ROR1: variants seen among roughly 807,000 people sequenced by gnomAD.
The protein encoded by ROR1 is inactive tyrosine-protein kinase transmembrane receptor ROR1.
A neutral mutation model predicts 78.8 loss-of-function variants in ROR1; 19 were observed. The observed-to-expected ratio is 0.24, with a 90% confidence interval of 0.17 to 0.35. The LOEUF (loss-of-function observed/expected upper bound fraction) is 0.35. Among genes scored for constraint, ROR1 ranks in the 10% least tolerant of loss-of-function variants. ROR1 has a pLI of 1.00. For synonymous variants in ROR1, 386 were observed against 433.6 expected, an observed-to-expected ratio of 0.89 and a Z score of 1.36; for missense variants, 917 against 1,177.8, an observed-to-expected ratio of 0.78 and a Z score of 3.24.
chr1:64,138,020 C>G (rs1049093819), intron 5 of ROR1, among the ~76,000 whole-genome samples: 4 of 152,334 alleles, frequency 2.6e-5, no homozygotes, highest in African/African-American at 9.6e-5. Flanking sequence ...TCTTCTTGCT[C>G]TAGCTTTCAA....
At chr1:64,024,904 A>G (rs1646595990) in intron 2 of ROR1, among the ~76,000 whole-genome samples, 1 of 152,228 alleles carries the variant, frequency 6.6e-6, no homozygotes, top group Non-Finnish European at 1.5e-5. Context: ...TCTCTAACAT[A>G]TTAATTTTTC....
chr1:64,108,395 T>TAAAAAAA (rs556497678), intron 4 of ROR1: 12 of 48,292 alleles, frequency 2.5e-4, no homozygotes, highest in African/African-American at 8.7e-4. Context: ...AGACTCCATC[T>TAAAAAAA]AAAAAAAAAA....
chr1:63,856,374 C>A (rs895995319), intron 1 of ROR1, among the ~76,000 whole-genome samples: 2 of 152,168 alleles, frequency 1.3e-5, no homozygotes, highest in Non-Finnish European at 2.9e-5. Flanking sequence ...CTCCTCGTGG[C>A]GTGGGGAATC....
chr1:63,779,470 C>T (rs1018099590), intron 1 of ROR1, among the ~76,000 whole-genome samples: 2 of 150,758 alleles, frequency 1.3e-5, no homozygotes, highest in East Asian at 2.0e-4. Context: ...AGAGACTGTT[C>T]GGTAGAAACT....
At chr1:64,067,464 A>AAG (rs1646966468) in intron 4 of ROR1, among the ~76,000 whole-genome samples, 1 of 150,574 alleles carries the variant, frequency 6.6e-6, no homozygotes, top group African/African-American at 2.4e-5. Context: ...AAAAAAAAAA[A>AAG]AAAAGCCATA....
intron 4 of ROR1, among the ~76,000 whole-genome samples, chr1:64,084,923 T>A (rs1393438377): frequency 6.6e-6 from 1 of 152,210 alleles, no homozygotes; most frequent in African/African-American, 2.4e-5. Flanking sequence ...TGCAGGAATG[T>A]CATGAGAAGA....
intron 1 of ROR1, chr1:63,789,226 T>C: frequency 1.7e-6 from 1 of 594,568 alleles, no homozygotes; most frequent in Admixed American, 1.9e-5. Context: ...TTGGTTTCAT[T>C]GGGGTCCAAC....
chr1:63,886,510 TCTG>T (rs1645358432), intron 1 of ROR1, among the ~76,000 whole-genome samples: 1 of 152,142 alleles, frequency 6.6e-6, no homozygotes. Flanking sequence ...AATTTATAAT[TCTG>T]CTGAGGCAAG....
At chr1:64,053,987 T>C (rs1406458336) in intron 4 of ROR1, among the ~76,000 whole-genome samples, 1 of 152,340 alleles carries the variant, frequency 6.6e-6, no homozygotes, top group Non-Finnish European at 1.5e-5. Flanking sequence ...GGTCTGGCTC[T>C]ATCACCCAGG....
chr1:63,854,794 C>T (rs114814622), intron 1 of ROR1, among the ~76,000 whole-genome samples: 63 of 152,304 alleles, frequency 4.1e-4, no homozygotes, highest in African/African-American at 1.4e-3. Flanking sequence ...GTGGCACATT[C>T]GTTCCAGGAC....
intron 1 of ROR1, among the ~76,000 whole-genome samples, chr1:63,985,321 A>G (rs997488793): frequency 6.6e-6 from 1 of 152,178 alleles, no homozygotes; most frequent in Non-Finnish European, 1.5e-5. Flanking sequence ...CTGATTCTCC[A>G]CAACAGAAAG....
intron 2 of ROR1, among the ~76,000 whole-genome samples, chr1:64,019,019 G>A (rs1646543777): frequency 1.3e-5 from 2 of 152,040 alleles, no homozygotes; most frequent in African/African-American, 2.4e-5. Flanking sequence ...GTATCACCTG[G>A]GGAATTTTAA....
intron 4 of ROR1, among the ~76,000 whole-genome samples, chr1:64,128,613 G>A (rs6692628): frequency 0.033 from 4,979 of 152,130 alleles, 266 homozygotes; most frequent in African/African-American, 0.11. Flanking sequence ...CTTATTGAAC[G>A]TTTATTTATT....
rs962633233 is a variant in ROR1, at chr1:63,998,186, C to T, written c.92-11119C>T. ...ATGACCCTCCCTCTCAAGAAGTTTA[C>T]TGTCTGAGAAGAATGAAAGGAAGAA... On this transcript the variant is annotated intron_variant, in intron 1 of 8. Transcript: ENST00000371079. Among the ~76,000 whole-genome samples the T allele has an allele frequency of 2.6e-5, 4 of 152,058 alleles. No individual in the cohort carries two copies. The East Asian group carries it at 7.7e-4, about 29-fold the overall frequency.
At chr1:64,069,910 A>T (rs541796984) in intron 4 of ROR1, among the ~76,000 whole-genome samples, 1 of 152,258 alleles carries the variant, frequency 6.6e-6, no homozygotes, top group South Asian at 2.1e-4. Context: ...TAGTACATTC[A>T]CAGTGTGGTA....
At chr1:63,969,071 A>G (rs1200093824) in intron 1 of ROR1, among the ~76,000 whole-genome samples, 2 of 152,154 alleles carry the variant, frequency 1.3e-5, no homozygotes, top group Non-Finnish European at 2.9e-5. Context: ...ATCCTATCTG[A>G]AATCATCCAG....
chr1:64,175,191 A>G (rs1455462417), intron 8 of ROR1, among the ~76,000 whole-genome samples: 3 of 151,928 alleles, frequency 2.0e-5, no homozygotes, highest in African/African-American at 7.3e-5. Context: ...CTATTTCCCA[A>G]GTATCCTTTC....
intron 1 of ROR1, among the ~76,000 whole-genome samples, chr1:63,874,187 T>G (rs146183632): frequency 1.3e-5 from 2 of 152,304 alleles, no homozygotes; most frequent in East Asian, 3.9e-4. Context: ...GAAATTGCAT[T>G]TTTCCTGCAT....
rs551029764 is a variant in ROR1 at position 63,961,990 on chromosome 1, T to A, written c.92-47315T>A. Among the ~76,000 whole-genome samples, 11 of 152,306 alleles carry A rather than the reference T, an allele frequency of 7.2e-5. No individual in the cohort carries two copies. In the East Asian group the frequency reaches 2.1e-3, roughly 29 times the overall value. ...ACAATTATTATGTGTCATTTAAAAA[T>A]TTAAAAAATAAAATTACCCAGCACT... On this transcript the variant is annotated intron_variant, in intron 1 of 8. Transcript: ENST00000371079.
Sources: allele counts gnomAD v4.1 joint callset (sites outside exome capture counted in the v4.1 genomes callset), GRCh38; gene constraint gnomAD v4.1.1; transcripts MANE v1.5; gene names NCBI Gene and HGNC (gene_info 2026-07-23, HGNC 2026-07-21).